The following ACTR3C variants were observed in gnomAD, a reference collection of about 807,000 sequenced individuals.
ACTR3C encodes actin related protein 3C, also known as actin-related protein 3C.
ACTR3C carries 18 observed loss-of-function variants against 26.3 expected under a neutral mutation model. The ratio of observed to expected loss-of-function variants is 0.68; its 90% CI spans 0.47 to 1.01. The LOEUF (loss-of-function observed/expected upper bound fraction) is 1.01, where lower values mean the gene tolerates loss of function less well. ACTR3C is among the 50% of genes least tolerant of loss of function. The pLI is 0.00. For missense variants in ACTR3C, 184 were observed against 250.7 expected (o/e 0.73, Z 1.80); for synonymous variants, 55 against 94.5 (o/e 0.58, Z 2.42).
the ACTR3C span, among the ~76,000 whole-genome samples, chr7:149,927,067 T>TC: frequency 1.6e-4 from 24 of 150,056 alleles, no homozygotes; most frequent in Non-Finnish European, 2.8e-4. Context: ...CAAATAAACT[T>TC]TTTTTTTTCT....
At chr7:149,960,719 G>A in the ACTR3C span, among the ~76,000 whole-genome samples, 1,314 of 152,188 alleles carry the variant, frequency 8.6e-3, 19 homozygotes, top group African/African-American at 0.03. Flanking sequence ...ACTGCACAGG[G>A]AGGCCAGTGG....
chr7:150,272,021 A>G (rs1423791823), intron 6 of ACTR3C, among the ~76,000 whole-genome samples: 2 of 144,172 alleles, frequency 1.4e-5, no homozygotes, highest in African/African-American at 5.6e-5. Flanking sequence ...AGCCCCTCAC[A>G]CTGTCAGCAT....
At chr7:149,897,387 A>C in the ACTR3C span, among the ~76,000 whole-genome samples, 2 of 152,256 alleles carry the variant, frequency 1.3e-5, no homozygotes, top group Non-Finnish European at 2.9e-5. Flanking sequence ...CTCATTTCCA[A>C]ATGAAAAGTT....
At chr7:149,924,625 C>T in the ACTR3C span, among the ~76,000 whole-genome samples, 5 of 152,146 alleles carry the variant, frequency 3.3e-5, no homozygotes, top group Admixed American at 2.6e-4. Context: ...GCCAATAACA[C>T]GTTTTGGTTT....
the ACTR3C span, among the ~76,000 whole-genome samples, chr7:149,882,945 C>T: frequency 6.6e-6 from 1 of 152,230 alleles, no homozygotes; most frequent in African/African-American, 2.4e-5. Flanking sequence ...GCCTGGGAGA[C>T]AGGCCCCATC....
chr7:150,021,831 T>C, the ACTR3C span, among the ~76,000 whole-genome samples: 47 of 151,918 alleles, frequency 3.1e-4, 2 homozygotes, highest in African/African-American at 1.1e-3. Context: ...TAGTATTCCA[T>C]GGTGTATATA....
chr7:150,027,246 G>A, the ACTR3C span, among the ~76,000 whole-genome samples: 1 of 152,128 alleles, frequency 6.6e-6, no homozygotes, highest in Admixed American at 6.5e-5. Context: ...TGATACCTCG[G>A]TGTGGGGATC....
At chr7:150,101,318 C>A in the ACTR3C span, among the ~76,000 whole-genome samples, 1 of 151,664 alleles carries the variant, frequency 6.6e-6, no homozygotes, top group Non-Finnish European at 1.5e-5. Flanking sequence ...GTCAACAATT[C>A]TAGATATCAG....
chr7:150,001,603 G>C, the ACTR3C span: 1 of 152,060 alleles, frequency 6.6e-6, no homozygotes, highest in African/African-American at 2.4e-5. Context: ...CAGTTTCCTT[G>C]CTCACAGATG....
chr7:150,048,056 C>T, the ACTR3C span, among the ~76,000 whole-genome samples: 5 of 152,180 alleles, frequency 3.3e-5, no homozygotes, highest in African/African-American at 4.8e-5. Flanking sequence ...GGCTCAGCCT[C>T]CTCCGCCCCC....
chr7:150,286,534 A>G lies in ACTR3C; in HGVS notation c.304T>C (p.Tyr102His). Reference sequence around the variant, plus strand: ...ACTATATCGGGGCAAATGTAACAGTATTTCTCCTGCATACACACACAAAGA... The same window carrying G: ...ACTATATCGGGGCAAATGTAACAGTGTTTCTCCTGCATACACACACAAAGA... ...LETAKAIKEK[Y>H]CYICPDIVKE... is the part of the protein sequence containing the mutation. The change falls in exon 5 of 8, where the codon TAC becomes CAC. Residue 102 changes from tyrosine (Y) to histidine (H), a missense_variant. Coordinates refer to ENST00000683684, the MANE Select transcript of ACTR3C (RefSeq NM_001164458.2). 6.2e-7 allele frequency: 1 copy of G among 1,610,474 alleles called. No individual in the cohort carries two copies. The highest frequency in any genetic ancestry group is 8.5e-7 in the Non-Finnish European group (1 of 1,179,438).
the ACTR3C span, chr7:149,890,642 C>T: frequency 1.3e-5 from 2 of 152,972 alleles, no homozygotes; most frequent in Non-Finnish European, 2.9e-5. Context: ...TACCCTCCTC[C>T]AGGGTCCAGA....
the ACTR3C span, among the ~76,000 whole-genome samples, chr7:149,945,247 C>T: frequency 6.6e-6 from 1 of 151,620 alleles, no homozygotes; most frequent in Non-Finnish European, 1.5e-5. Context: ...TGAAAGCATG[C>T]AATGCACTTC....
At chr7:150,179,905 G>T in the ACTR3C span, among the ~76,000 whole-genome samples, 2 of 151,508 alleles carry the variant, frequency 1.3e-5, no homozygotes, top group Admixed American at 1.3e-4. Context: ...GACTGTTAGG[G>T]TTTAGATATT....
At chr7:150,070,133 A>G in the ACTR3C span, among the ~76,000 whole-genome samples, 1 of 152,294 alleles carries the variant, frequency 6.6e-6, no homozygotes, top group African/African-American at 2.4e-5. Context: ...AGCAGGAAGC[A>G]CTGTTATGAT....
chr7:150,130,832 C>T, the ACTR3C span, among the ~76,000 whole-genome samples: 2 of 152,080 alleles, frequency 1.3e-5, no homozygotes, highest in Non-Finnish European at 1.5e-5. Context: ...AAGCATGCAA[C>T]GACACGGATG....
At chr7:150,197,404 A>G in the ACTR3C span, among the ~76,000 whole-genome samples, 8,511 of 152,116 alleles carry the variant, frequency 0.056, 382 homozygotes, top group African/African-American at 0.12. Flanking sequence ...GTGTGTTCAA[A>G]CCCTATTTCA....
In ACTR3C at chr7:150,260,107, C is replaced by T. The variant is rs187499523; in HGVS notation, c.565-11053G>A. On this transcript the variant is annotated intron_variant, in intron 6 of 7. Coordinates refer to ENST00000683684, the MANE Select transcript of ACTR3C (RefSeq NM_001164458.2). ...CAATCACCCATTGTGTATATATTGC[C>T]TATAACTGTTTTTGTACTGCCCTCA... Among the ~76,000 whole-genome samples, 827 of 152,292 alleles carry T rather than the reference C, an allele frequency of 5.4e-3. 6 individuals carry two copies. Among genetic ancestry groups the T allele is most frequent in the African/African-American group, 0.019 (778 of 41,574 alleles).
chr7:150,319,968 C>A (rs911046094), intron 1 of ACTR3C, among the ~76,000 whole-genome samples: 1 of 152,240 alleles, frequency 6.6e-6, no homozygotes, highest in Non-Finnish European at 1.5e-5. Context: ...ACAGGAAGAT[C>A]AGCATTTCCT....
Sources: allele counts gnomAD v4.1 joint callset (sites outside exome capture counted in the v4.1 genomes callset), GRCh38; gene constraint gnomAD v4.1.1; transcripts MANE v1.5; gene names NCBI Gene and HGNC (gene_info 2026-07-23, HGNC 2026-07-21).